The following ATG5 variants were observed in gnomAD, a reference collection of about 807,000 sequenced individuals.
The protein encoded by ATG5 is autophagy related 5.
ATG5 carries 14 observed loss-of-function variants against 36.5 expected under a neutral mutation model. That is an observed-to-expected ratio of 0.38 (90% CI 0.25 to 0.60). ATG5 has a LOEUF of 0.60. Ranked by LOEUF, ATG5 falls within the 20% of genes least tolerant of loss-of-function variation. The pLI, the probability that ATG5 is intolerant of heterozygous loss-of-function variation, is 0.60. For missense variants in ATG5, 195 were observed against 326.7 expected (o/e 0.60, Z 3.11); for synonymous variants, 95 against 101.5 (o/e 0.94, Z 0.38).
intron 7 of ATG5, among the ~76,000 whole-genome samples, chr6:106,195,936 C>A (rs1191216249): frequency 1.3e-5 from 2 of 151,556 alleles, no homozygotes; most frequent in Non-Finnish European, 2.9e-5. Flanking sequence ...AACAGCTTCA[C>A]AAATTTGTGT....
intron 5 of ATG5, among the ~76,000 whole-genome samples, chr6:106,278,604 A>G (rs1334651556): frequency 1.3e-5 from 2 of 152,224 alleles, no homozygotes; most frequent in African/African-American, 2.4e-5. Context: ...CAACATTTCC[A>G]AAGTCAGCTA....
intron 2 of ATG5, among the ~76,000 whole-genome samples, chr6:106,311,471 T>G (rs1025295913): frequency 6.6e-6 from 1 of 152,172 alleles, no homozygotes; most frequent in African/African-American, 2.4e-5. Flanking sequence ...TGGGTGTGTG[T>G]AGGTATGGGA....
intron 5 of ATG5, among the ~76,000 whole-genome samples, chr6:106,252,512 A>G (rs980382837): frequency 2.6e-5 from 4 of 152,142 alleles, no homozygotes; most frequent in East Asian, 1.9e-4. Context: ...TCTAAAATGC[A>G]TAAGATACCA....
At chr6:106,323,566 G>A (rs1413876435) in intron 1 of ATG5, among the ~76,000 whole-genome samples, 1 of 152,020 alleles carries the variant, frequency 6.6e-6, no homozygotes, top group Non-Finnish European at 1.5e-5. Flanking sequence ...TGCTCAGTCC[G>A]TAACCCTTGG....
chr6:106,297,871 C>G (rs1770029242), intron 3 of ATG5, among the ~76,000 whole-genome samples: 1 of 151,428 alleles, frequency 6.6e-6, no homozygotes, highest in South Asian at 2.1e-4. Context: ...AGGAGTTCGA[C>G]ACTAGCCTGA....
At chr6:106,263,658 T>C (rs906787488) in intron 5 of ATG5, among the ~76,000 whole-genome samples, 1 of 152,146 alleles carries the variant, frequency 6.6e-6, no homozygotes, top group African/African-American at 2.4e-5. Flanking sequence ...CCAGAGGAAG[T>C]AGCAGGCAGC....
chr6:106,296,879 A>G (rs1769965298), intron 3 of ATG5, among the ~76,000 whole-genome samples: 1 of 152,218 alleles, frequency 6.6e-6, no homozygotes, highest in Non-Finnish European at 1.5e-5. Flanking sequence ...TCATTAACAC[A>G]GTTGAAAATT....
At chr6:106,285,361 T>C (rs1386330416) in intron 4 of ATG5, among the ~76,000 whole-genome samples, 4 of 152,248 alleles carry the variant, frequency 2.6e-5, no homozygotes, top group Non-Finnish European at 5.9e-5. Flanking sequence ...GAGTAAAATT[T>C]TTTTTTATTT....
At chr6:106,309,587 T>G (rs1421457826) in intron 2 of ATG5, among the ~76,000 whole-genome samples, 1 of 152,164 alleles carries the variant, frequency 6.6e-6, no homozygotes, top group Non-Finnish European at 1.5e-5. Flanking sequence ...GAAAAAGGAA[T>G]TCTTACTATT....
intron 2 of ATG5, among the ~76,000 whole-genome samples, chr6:106,309,777 A>C (rs1304004849): frequency 6.6e-6 from 1 of 152,192 alleles, no homozygotes; most frequent in Admixed American, 6.5e-5. Context: ...ACAGCGTCGC[A>C]AACTAGCTGT....
At chr6:106,293,247 T>TA in intron 3 of ATG5, 141 bp from the exon 4 acceptor site, 5 of 694,002 alleles carry the variant, frequency 7.2e-6, no homozygotes, top group Admixed American at 2.5e-5. Context: ...ATTCTACAGT[T>TA]ACGTGCCTAG....
chr6:106,238,220 G>C (rs374706743), intron 6 of ATG5, among the ~76,000 whole-genome samples: 1 of 152,008 alleles, frequency 6.6e-6, no homozygotes, highest in African/African-American at 2.4e-5. Flanking sequence ...GCCCAGGCTG[G>C]AGTACAGTGG....
intron 1 of ATG5, among the ~76,000 whole-genome samples, chr6:106,323,270 T>TC (rs1771167931): frequency 7.0e-6 from 1 of 141,992 alleles, no homozygotes; most frequent in South Asian, 2.3e-4. Context: ...CTTTTTTTTT[T>TC]TTTTTTTTTT....
At chr6:106,221,677 C>T (rs1777254884) in intron 6 of ATG5, among the ~76,000 whole-genome samples, 1 of 143,332 alleles carries the variant, frequency 7.0e-6, no homozygotes, top group African/African-American at 2.6e-5. Flanking sequence ...CAGAGTGAGA[C>T]CCTGTCTCAA....
rs538820237 is a variant in ATG5 at position 106,312,238 on chromosome 6, C to T, written c.109-3747G>A. Among the ~76,000 whole-genome samples, 6 of 152,234 alleles carry T rather than the reference C, an allele frequency of 3.9e-5. No individual in the cohort carries two copies. In the South Asian group the frequency reaches 1.2e-3, roughly 32 times the overall value. On this transcript the variant is annotated intron_variant, in intron 2 of 7. Transcript: ENST00000369076. The stretch of plus-strand genomic sequence containing the variant: ...GTCTCTGGAGTAAGTTACCGACTAT[C>T]TGGGATAAGAGAGAAGGAAGGAAGC...
intron 5 of ATG5, among the ~76,000 whole-genome samples, chr6:106,263,090 A>T (rs186238415): frequency 6.6e-6 from 1 of 152,326 alleles, no homozygotes; most frequent in East Asian, 1.9e-4. Context: ...GCTAAGAACC[A>T]CTGGCTTGAA....
chr6:106,318,828 TAAATTATATAAGAAA>T (rs1770959255), intron 1 of ATG5, among the ~76,000 whole-genome samples: 1 of 152,212 alleles, frequency 6.6e-6, no homozygotes, highest in Non-Finnish European at 1.5e-5. Context: ...TTACCTATAA[TAAATTATATAAGAAA>T]GCATGTCTCC....
At chr6:106,232,018 C>T (rs1273609713) in intron 6 of ATG5, among the ~76,000 whole-genome samples, 1 of 152,178 alleles carries the variant, frequency 6.6e-6, no homozygotes, top group Non-Finnish European at 1.5e-5. Context: ...CCATGCACCT[C>T]GTGTCAAGGG....
chr6:106,190,374 GCAGAGCCCTCATGACTTAAACA>G (rs1562200880), intron 7 of ATG5, among the ~76,000 whole-genome samples: 1 of 152,098 alleles, frequency 6.6e-6, no homozygotes. Flanking sequence ...ATTCATGAGG[GCAGAGCCCTCATGACTTAAACA>G]CCCCCCAAAA....
Sources: gnomAD v4.1 joint callset for allele counts (sites outside exome capture counted in the v4.1 genomes callset) on GRCh38, gnomAD v4.1.1 for gene constraint, MANE v1.5 for transcripts, NCBI Gene and HGNC (gene_info 2026-07-23, HGNC 2026-07-21) for gene names.